SRGAP1: variants seen among roughly 807,000 people sequenced by gnomAD.
SRGAP1 encodes SLIT-ROBO Rho GTPase-activating protein 1.
SRGAP1 carries 43 observed loss-of-function variants against 121.9 expected under a neutral mutation model. The ratio of observed to expected loss-of-function variants is 0.35; its 90% confidence interval spans 0.28 to 0.46. The LOEUF (loss-of-function observed/expected upper bound fraction) is 0.46. Among genes scored for constraint, SRGAP1 ranks in the 20% least tolerant of loss-of-function variants. The probability of loss-of-function intolerance (pLI) is 1.00; values close to 1 mark genes in which losing one functional copy is unlikely to be tolerated. For synonymous variants in SRGAP1, 447 were observed against 485.4 expected (o/e 0.92, Z 1.04); for missense variants, 1,102 against 1,350.9 (o/e 0.82, Z 2.89).
Position 64,147,322 on chromosome 12 carries a change from G to T in SRGAP1, c.*4650G>T. 2.5e-6 allele frequency: 1 copy of T among 395,498 alleles called. No homozygotes were observed. The allele number at this position is 395,498 out of a possible 1,614,324, so 24.5% of individuals were successfully genotyped here. On this transcript the variant is annotated 3_prime_UTR_variant, in exon 22 of 22. Transcript: ENST00000355086. The stretch of plus-strand genomic sequence containing the variant: ...GCCTTTCTATTTTAGAGGAGTTTTA[G>T]CCTTGCTCTTGTACCGTTGCCCCGC...
At chr12:63,970,231 G>A (rs75565397) in intron 1 of SRGAP1, among the ~76,000 whole-genome samples, 13 of 152,180 alleles carry the variant, frequency 8.5e-5, no homozygotes, top group Non-Finnish European at 1.6e-4. Flanking sequence ...TGCGTAATTA[G>A]GGGGAGAGGT....
At position 63,989,414 on chromosome 12, in the gene SRGAP1, G is replaced by T. The variant is rs184748302; in HGVS notation, c.264-496G>T. 3.3e-5 allele frequency among the ~76,000 whole-genome samples: 5 copies of T among 152,288 alleles called. No individual in the cohort carries two copies. In the East Asian group the frequency reaches 9.7e-4, roughly 29 times the overall value. On this transcript the variant is annotated intron_variant, in intron 2 of 21. Transcript: ENST00000355086. ...TTGGGAGACTGGAGGTTATGTATCA[G>T]GGGATTAATAAATAACCCTCAAATT...
In SRGAP1 at chr12:64,139,494, A is replaced by AT. The variant is rs564078580; in HGVS notation, c.2881-2800dup. Among the ~76,000 whole-genome samples, 368 of 152,246 alleles carry AT rather than the reference A, an allele frequency of 2.4e-3. 1 individual carries two copies. Among genetic ancestry groups the AT allele is most frequent in the Non-Finnish European group, 3.7e-3 (249 of 68,020 alleles). ...ATTTGCATTTCTCTGATGGCCAGTG[A>AT]TGATGAGCATTTTTTCATGTGTTTC... On this transcript the variant is annotated intron_variant, in intron 21 of 21. Coordinates refer to ENST00000355086, the MANE Select transcript of SRGAP1 (RefSeq NM_020762.4).
At chr12:63,854,463 A>G (rs1049779850) in intron 1 of SRGAP1, among the ~76,000 whole-genome samples, 2 of 152,206 alleles carry the variant, frequency 1.3e-5, no homozygotes, top group Non-Finnish European at 2.9e-5. Flanking sequence ...GATTTTCTTG[A>G]AAGTAATCTT....
chr12:63,927,735 C>T (rs945356676), intron 1 of SRGAP1, among the ~76,000 whole-genome samples: 35 of 152,046 alleles, frequency 2.3e-4, no homozygotes, highest in African/African-American at 8.0e-4. Context: ...TTGCTCTCAC[C>T]TGTGTCCCCC....
intron 1 of SRGAP1, among the ~76,000 whole-genome samples, chr12:63,857,467 C>T (rs536438586): frequency 2.8e-4 from 42 of 152,082 alleles, no homozygotes; most frequent in African/African-American, 8.7e-4. Flanking sequence ...CTGCAACCTC[C>T]GCCTCCCATG....
intron 21 of SRGAP1, among the ~76,000 whole-genome samples, chr12:64,140,491 T>C (rs1462509975): frequency 6.6e-6 from 1 of 151,470 alleles, no homozygotes; most frequent in Non-Finnish European, 1.5e-5. Context: ...GGTATTTTAT[T>C]CTCTTTGAAG....
intron 21 of SRGAP1, among the ~76,000 whole-genome samples, chr12:64,132,145 G>T (rs1018093679): frequency 6.6e-6 from 1 of 152,330 alleles, no homozygotes; most frequent in Non-Finnish European, 1.5e-5. Context: ...CTGCACTCCA[G>T]CCTGGGTGAC....
In SRGAP1 at chr12:64,088,337, T is replaced by C. The variant is rs188141727; in HGVS notation, c.1436+1311T>C. Reference sequence around the variant, plus strand: ...TTTCACCTATAGCATCTCCTTGCACTATCAATTATTTTACCTGTTGTTTCT... The same window carrying C: ...TTTCACCTATAGCATCTCCTTGCACCATCAATTATTTTACCTGTTGTTTCT... On this transcript the variant is annotated intron_variant, in intron 11 of 21. Transcript: ENST00000355086. Among the ~76,000 whole-genome samples the C allele has an allele frequency of 3.3e-5, 5 of 152,354 alleles. No homozygotes were observed. In the East Asian group the frequency reaches 7.7e-4, roughly 23 times the overall value.
intron 14 of SRGAP1, among the ~76,000 whole-genome samples, chr12:64,096,697 G>T (rs1323130811): frequency 1.3e-5 from 2 of 152,164 alleles, no homozygotes; most frequent in African/African-American, 4.8e-5. Flanking sequence ...TTTAGAGTCT[G>T]CCTCTGCTCA....
intron 3 of SRGAP1, among the ~76,000 whole-genome samples, chr12:63,998,089 C>T (rs889995861): frequency 5.9e-5 from 9 of 152,166 alleles, no homozygotes; most frequent in Admixed American, 3.3e-4. Context: ...GCACTTATCC[C>T]TTTGTGACAT....
At chr12:64,085,843 A>G (rs149990295) in intron 10 of SRGAP1, among the ~76,000 whole-genome samples, 122 of 152,344 alleles carry the variant, frequency 8.0e-4, no homozygotes, top group African/African-American at 2.6e-3. Flanking sequence ...CCCCACTTCA[A>G]GTCATGTCCA....
At chr12:63,884,657 C>T (rs1325150086) in intron 1 of SRGAP1, among the ~76,000 whole-genome samples, 1 of 151,530 alleles carries the variant, frequency 6.6e-6, no homozygotes, top group Non-Finnish European at 1.5e-5. Context: ...CTAATTGTAA[C>T]TTTGTACCCA....
rs544706398 is a variant in SRGAP1, at chr12:63,987,813, C to G, written c.264-2097C>G. Among the ~76,000 whole-genome samples the G allele has an allele frequency of 1.0e-3, 157 of 152,312 alleles. 1 individual carries two copies. Among genetic ancestry groups the G allele is most frequent in the African/African-American group, 3.6e-3 (149 of 41,570 alleles). On this transcript the variant is annotated intron_variant, in intron 2 of 21. Coordinates refer to ENST00000355086, the MANE Select transcript of SRGAP1 (RefSeq NM_020762.4). ...TAAGTAGAGTTGATGTCTGTAAAAT[C>G]TTTATACCAGCCCGTGATAAAACAG...
intron 1 of SRGAP1, among the ~76,000 whole-genome samples, chr12:63,977,316 C>T (rs986867882): frequency 2.6e-5 from 4 of 152,088 alleles, no homozygotes; most frequent in African/African-American, 9.7e-5. Flanking sequence ...ATGTAGACCC[C>T]TTTGGTATCA....
chr12:63,936,135 C>T (rs948087928), intron 1 of SRGAP1, among the ~76,000 whole-genome samples: 18 of 151,826 alleles, frequency 1.2e-4, no homozygotes, highest in Admixed American at 5.9e-4. Flanking sequence ...AAGAGACTGC[C>T]CAACAGTGTG....
At chr12:64,035,831 G>C (rs1225168430) in intron 4 of SRGAP1, among the ~76,000 whole-genome samples, 1 of 152,166 alleles carries the variant, frequency 6.6e-6, no homozygotes, top group Non-Finnish European at 1.5e-5. Context: ...ACAGTGGCCT[G>C]CACCTATCTG....
At chr12:64,049,606 CAAG>C in intron 6 of SRGAP1, among the ~76,000 whole-genome samples, 1 of 152,176 alleles carries the variant, frequency 6.6e-6, no homozygotes. Flanking sequence ...AACTACAATT[CAAG>C]ATGAGATTTC....
In SRGAP1 at chr12:63,861,303, T is replaced by TATATATATATATA. The variant is rs528177943; in HGVS notation, c.67+16420_67+16421insATATATATATATA. Among the ~76,000 whole-genome samples the TATATATATATATA allele has an allele frequency of 7.4e-5, 9 of 120,954 alleles. No individual in the cohort carries two copies. The East Asian group carries it at 1.4e-3, about 19-fold the overall frequency. 79.4% of individuals were successfully genotyped at this position (120,954 alleles called of 152,430 possible). On this transcript the variant is annotated intron_variant, in intron 1 of 21. Coordinates refer to ENST00000355086, the MANE Select transcript of SRGAP1 (RefSeq NM_020762.4). The stretch of plus-strand genomic sequence containing the variant: ...GATGGTAGGCATATATATATATATA[T>TATATATATATATA]TTTTTTTTTTTTTTGAGGCAAAGTC...
Sources: allele counts gnomAD v4.1 joint callset (sites outside exome capture counted in the v4.1 genomes callset), GRCh38; gene constraint gnomAD v4.1.1; transcripts MANE v1.5; gene names NCBI Gene and HGNC (gene_info 2026-07-23, HGNC 2026-07-21).